Variants in TRAF3IP1 observed in about 807,000 individuals in gnomAD.
The protein encoded by TRAF3IP1 is intraflagellar transport 54.
In TRAF3IP1, 53 loss-of-function variants were observed where a neutral mutation model predicts 89.9. That is an observed-to-expected ratio of 0.59 (90% CI 0.47 to 0.74). The LOEUF is 0.74. Ranked by LOEUF, TRAF3IP1 falls within the 30% of genes least tolerant of loss-of-function variation. The pLI, the probability that TRAF3IP1 is intolerant of heterozygous loss-of-function variation, is 0.00. For synonymous variants in TRAF3IP1, 311 were observed against 322.1 expected, an observed-to-expected ratio of 0.97 and a Z score of 0.37; for missense variants, 806 against 866.1, an observed-to-expected ratio of 0.93 and a Z score of 0.87.
chr2:238,356,980 G>T lies in TRAF3IP1; in HGVS notation c.1689+900G>T, dbSNP rs975933087. Reference sequence around the variant, plus strand: ...TTTTTAGTAGAGACGGGGTTTTACCGTGTTAGCCAGGATGGTCTCGATCTC... The same window carrying T: ...TTTTTAGTAGAGACGGGGTTTTACCTTGTTAGCCAGGATGGTCTCGATCTC... On this transcript the variant is annotated intron_variant, in intron 15 of 16. Coordinates refer to ENST00000373327, the MANE Select transcript of TRAF3IP1 (RefSeq NM_015650.4). Among the ~76,000 whole-genome samples the T allele has an allele frequency of 5.3e-5, 8 of 152,022 alleles. 1 individual carries two copies. Among genetic ancestry groups the T allele is most frequent in the Admixed American group, 1.3e-4 (2 of 15,252 alleles).
At chr2:238,332,711 C>T (rs1201445953) in intron 5 of TRAF3IP1, 113 bp from the exon 6 acceptor site, 2 of 781,132 alleles carry the variant, frequency 2.6e-6, no homozygotes, top group Non-Finnish European at 2.1e-6. Context: ...GTGGTGTTCT[C>T]ATGGGAAGAA....
At chr2:238,368,839 T>A (rs1018077698) in intron 15 of TRAF3IP1, among the ~76,000 whole-genome samples, 2 of 151,778 alleles carry the variant, frequency 1.3e-5, no homozygotes, top group African/African-American at 4.8e-5. Flanking sequence ...TCCAGCTAAT[T>A]TTTTTTTATT....
At chr2:238,321,222 C>T (rs1697524681) in intron 1 of TRAF3IP1, among the ~76,000 whole-genome samples, 1 of 152,206 alleles carries the variant, frequency 6.6e-6, no homozygotes, top group East Asian at 1.9e-4. Flanking sequence ...CTTGTATTTC[C>T]TTAGAGTGCA....
At chr2:238,338,003 G>A (rs1435426441) in intron 7 of TRAF3IP1, among the ~76,000 whole-genome samples, 1 of 152,154 alleles carries the variant, frequency 6.6e-6, no homozygotes, top group Non-Finnish European at 1.5e-5. Context: ...AATTAGTCCA[G>A]GGGCGTGTGT....
intron 15 of TRAF3IP1, among the ~76,000 whole-genome samples, chr2:238,396,742 G>T (rs953199247): frequency 5.3e-5 from 8 of 152,078 alleles, no homozygotes; most frequent in African/African-American, 1.9e-4. Flanking sequence ...TCGTCTCTGC[G>T]TCCTCCTCAC....
At chr2:238,388,638 C>T (rs1198303741) in intron 15 of TRAF3IP1, among the ~76,000 whole-genome samples, 1 of 132,870 alleles carries the variant, frequency 7.5e-6, no homozygotes, top group Non-Finnish European at 1.6e-5. Context: ...TGCTCTGTTG[C>T]CCAGGCTGGA....
Position 238,338,078 on chromosome 2 carries a change from G to T in TRAF3IP1, c.1064-284G>T, listed in dbSNP as rs191625326. Among the ~76,000 whole-genome samples the T allele has an allele frequency of 1.9e-3, 282 of 152,150 alleles. 3 individuals carry two copies. The highest frequency in any genetic ancestry group is 6.5e-3 in the African/African-American group (271 of 41,474). Reference sequence around the variant, plus strand: ...GTCCCCCAGGTCAGAAGAGGAAGAGGAGGAGGAGGAAGAGGAGGAGGGAGG... The same window carrying T: ...GTCCCCCAGGTCAGAAGAGGAAGAGTAGGAGGAGGAAGAGGAGGAGGGAGG... On this transcript the variant is annotated intron_variant, in intron 7 of 16. Coordinates refer to ENST00000373327, the MANE Select transcript of TRAF3IP1 (RefSeq NM_015650.4).
chr2:238,390,292 C>T (rs576427828), intron 15 of TRAF3IP1, among the ~76,000 whole-genome samples: 4 of 152,296 alleles, frequency 2.6e-5, no homozygotes, highest in South Asian at 2.1e-4. Flanking sequence ...AGCAGACTTC[C>T]TCTGAGCTCA....
At chr2:238,352,604 T>G (rs1699223275) in intron 12 of TRAF3IP1, among the ~76,000 whole-genome samples, 1 of 149,346 alleles carries the variant, frequency 6.7e-6, no homozygotes, top group Non-Finnish European at 1.5e-5. Context: ...GGAAGCTGGG[T>G]GGGGGTGGAG....
In TRAF3IP1 at chr2:238,384,069, C is replaced by T. The variant is rs77693847; in HGVS notation, c.1690-13390C>T. On this transcript the variant is annotated intron_variant, in intron 15 of 16. Transcript: ENST00000373327. ...TGATTCAGCTGTGGTCTTGCAGGGC[C>T]CCCCCCATCTGGATGCATCCTCCTT... Among the ~76,000 whole-genome samples, 612 of 152,024 alleles carry T rather than the reference C, an allele frequency of 4.0e-3. 4 individuals carry two copies. The highest frequency in any genetic ancestry group is 0.014 in the African/African-American group (594 of 41,454).
intron 15 of TRAF3IP1, among the ~76,000 whole-genome samples, chr2:238,384,988 A>G (rs993275930): frequency 5.9e-5 from 9 of 152,030 alleles, no homozygotes; most frequent in African/African-American, 4.8e-5. Context: ...AAGAAATTCA[A>G]GTCAGTTGTA....
Position 238,400,272 on chromosome 2 carries a change from T to G in TRAF3IP1, c.*1353T>G, listed in dbSNP as rs1444372980. ...CACCATGCCCAGCTAATTTTTGTAT[T>G]TTCAGTAGAGATGGGGTTTCACCGT... On this transcript the variant is annotated 3_prime_UTR_variant, in exon 17 of 17. Coordinates refer to ENST00000373327, the MANE Select transcript of TRAF3IP1 (RefSeq NM_015650.4). 1 of 152,152 alleles carries G rather than the reference T, an allele frequency of 6.6e-6. No individual in the cohort carries two copies. The highest frequency in any genetic ancestry group is 2.4e-5 in the African/African-American group (1 of 41,428). 9.4% of individuals were successfully genotyped at this position (152,152 alleles called of 1,614,324 possible).
At chr2:238,370,883 T>G (rs1319737441) in intron 15 of TRAF3IP1, among the ~76,000 whole-genome samples, 1 of 152,224 alleles carries the variant, frequency 6.6e-6, no homozygotes, top group East Asian at 1.9e-4. Flanking sequence ...CGAAGCTATG[T>G]GCATTTAGGG....
chr2:238,328,671 C>T lies in TRAF3IP1; in HGVS notation c.355-15C>T. On this transcript the variant is annotated splice_polypyrimidine_tract_variant and intron_variant, in intron 3 of 16. Transcript: ENST00000373327. ...TTTCACCTAACACCTCATTTCCTTC[C>T]ATTTGGACGACAAGCTCTCTAGTGA... The T allele has an allele frequency of 6.2e-7, 1 of 1,610,002 alleles. No homozygotes were observed. Among genetic ancestry groups the T allele is most frequent in the African/African-American group, 1.3e-5 (1 of 74,774 alleles).
intron 15 of TRAF3IP1, among the ~76,000 whole-genome samples, chr2:238,384,337 GATGTATGTATGTATGT>G (rs61001806): frequency 4.3e-5 from 6 of 139,730 alleles, no homozygotes; most frequent in East Asian, 2.1e-4. Context: ...GAATCAACCT[GATGTATGTATGTATGT>G]ATGTATGTAT....
At chr2:238,388,715 C>T (rs1700878844) in intron 15 of TRAF3IP1, among the ~76,000 whole-genome samples, 1 of 150,168 alleles carries the variant, frequency 6.7e-6, no homozygotes, top group Non-Finnish European at 1.5e-5. Flanking sequence ...CATCTTGGCT[C>T]ACTGTAACCT....
intron 15 of TRAF3IP1, among the ~76,000 whole-genome samples, chr2:238,356,648 A>G (rs1699422954): frequency 6.6e-6 from 1 of 152,160 alleles, no homozygotes; most frequent in African/African-American, 2.4e-5. Context: ...GCCAAGAGCC[A>G]AAGGCCTGTT....
intron 15 of TRAF3IP1, among the ~76,000 whole-genome samples, chr2:238,381,113 T>G (rs1441287299): frequency 1.7e-3 from 258 of 148,894 alleles, no homozygotes; most frequent in African/African-American, 6.1e-3. Flanking sequence ...ATGCTTGGGT[T>G]TTTTTTTTTT....
intron 15 of TRAF3IP1, among the ~76,000 whole-genome samples, chr2:238,391,111 C>T (rs1473999113): frequency 3.3e-5 from 5 of 152,178 alleles, no homozygotes; most frequent in African/African-American, 9.7e-5. Flanking sequence ...TGCACCACCA[C>T]GCCTTGGTAA....
Sources: allele counts gnomAD v4.1 joint callset (sites outside exome capture counted in the v4.1 genomes callset), GRCh38; gene constraint gnomAD v4.1.1; transcripts MANE v1.5; gene names NCBI Gene and HGNC (gene_info 2026-07-23, HGNC 2026-07-21).